Variants in PIDD1 observed in about 807,000 individuals in gnomAD.
PIDD1 encodes p53-induced death domain-containing protein 1.
Under a neutral mutation model 80.0 loss-of-function variants are expected in PIDD1, and 72 were observed. That is an observed-to-expected ratio of 0.90 (90% CI 0.74 to 1.09). PIDD1 has a LOEUF of 1.09. PIDD1 is among the 50% of genes least tolerant of loss of function. The probability of loss-of-function intolerance (pLI) is 0.00; values close to 1 mark genes in which losing one functional copy is unlikely to be tolerated. For missense variants in PIDD1, 1,329 were observed against 1,228.3 expected (o/e 1.08, Z -1.23); for synonymous variants, 655 against 543.5 (o/e 1.21, Z -2.85).
chr11:805,658 A>G, upstream of PIDD1: 1 of 985,432 alleles, frequency 1.0e-6, no homozygotes, highest in Non-Finnish European at 1.2e-6. Flanking sequence ...TTTCCAAACC[A>G]GCCCAAACGG....
chr11:805,273 A>G (rs1214916481), upstream of PIDD1: 6 of 959,070 alleles, frequency 6.3e-6, no homozygotes, highest in East Asian at 1.2e-4. Flanking sequence ...GGGACTGCAG[A>G]CCCCGCCCCT....
At chr11:804,754 A>G (rs1865660737) in intron 1 of PIDD1, 1 of 226,912 alleles carries the variant, frequency 4.4e-6, no homozygotes, top group Non-Finnish European at 8.6e-6. Flanking sequence ...AATCTGGCCA[A>G]TGGAGCCGTG....
rs755725870 is a variant in PIDD1 at position 801,766 on chromosome 11, G to T, written c.1303-142C>A. The T allele has an allele frequency of 3.4e-6, 3 of 884,220 alleles. No individual in the cohort carries two copies. In the Admixed American group the frequency reaches 6.6e-5, roughly 20 times the overall value. The allele number at this position is 884,220 out of a possible 1,614,324, so 54.8% of individuals were successfully genotyped here. A position where few individuals can be genotyped will look rare whatever the true frequency, so the allele number is the denominator to read the frequency against. On this transcript the variant is annotated intron_variant, in intron 7 of 15. Coordinates refer to ENST00000347755, the MANE Select transcript of PIDD1 (RefSeq NM_145886.4). ...GAGCAGGATCCAGGAGGGACGGGGT[G>T]GGGTGGAAGTTGCCAGGGACACAGG...
rs145288967 is a variant in PIDD1 at position 799,435 on chromosome 11, C to A, written c.2605G>T (p.Val869Leu). Reference sequence around the variant, plus strand: ...CGGCCGAGCTCCAAGACTGCGCGCACCTCTTCAGCCACGTCCTGCCGGTCA... The same window carrying A: ...CGGCCGAGCTCCAAGACTGCGCGCAACTCTTCAGCCACGTCCTGCCGGTCA... ...QSDRQDVAEE[V>L]RAVLELGRRK... The change falls in exon 16 of 16, where the codon GTG (valine) becomes TTG (leucine). Residue 869 changes from valine to leucine, a missense_variant. Physicochemically the swap from Val to Leu is conservative, Grantham distance 32. Transcript: ENST00000347755. 98 of 1,611,124 alleles carry A rather than the reference C, an allele frequency of 6.1e-5. No individual in the cohort carries two copies. In the African/African-American group the frequency reaches 9.7e-4, roughly 16 times the overall value.
chr11:803,122 C>T (rs1369900054), intron 3 of PIDD1, 52 bp downstream of exon 3: 17 of 1,352,234 alleles, frequency 1.3e-5, no homozygotes, highest in Admixed American at 2.0e-5. Context: ...GACAGGCAGG[C>T]TTCAGGGACC....
At chr11:807,734 G>A (rs1468071323), upstream of PIDD1, among the ~76,000 whole-genome samples, 6 of 151,982 alleles carry the variant, frequency 3.9e-5, no homozygotes, top group African/African-American at 7.3e-5. Context: ...CCAAGATCAC[G>A]CGACTGCACT....
intron 1 of PIDD1, 113 bp from the exon 2 acceptor site, chr11:804,576 C>T: frequency 9.0e-7 from 1 of 1,115,630 alleles, no homozygotes; most frequent in Non-Finnish European, 1.2e-6. Context: ...TGGGCCTGGG[C>T]TGCAGAGTGG....
chr11:799,639 G>A (rs1234931643), intron 15 of PIDD1, 74 bp from the exon 16 acceptor site: 49 of 1,484,316 alleles, frequency 3.3e-5, no homozygotes, highest in Non-Finnish European at 4.3e-5. Context: ...CTGCCTCGGA[G>A]TGTGGGGGAG....
rs1865212319 is a variant in PIDD1 at position 800,624 on chromosome 11, G to A, written c.1960C>T (p.Pro654Ser). ...LRRLLERYRG[P>S]EPSDTVEMFE... ...ATCTCCACCGTGTCAGAGGGCTCGG[G>A]GCCCCGGTACCGCTCCAGCAGCCGC... Residue 654 changes from proline (P) to serine (S), a missense_variant, in exon 12 of 16, where the codon CCC (proline) becomes TCC (serine). Physicochemically the swap from Pro to Ser is moderately conservative, Grantham distance 74 (BLOSUM62 -1). Coordinates refer to ENST00000347755, the MANE Select transcript of PIDD1 (RefSeq NM_145886.4). 1 of 1,600,546 alleles carries A rather than the reference G, an allele frequency of 6.2e-7. No homozygotes were observed. Among genetic ancestry groups the A allele is most frequent in the Non-Finnish European group, 8.5e-7 (1 of 1,178,358 alleles).
At position 799,878 on chromosome 11, in the gene PIDD1, G is replaced by A; in HGVS notation, c.2411C>T (p.Pro804Leu). The A allele has an allele frequency of 6.2e-7, 1 of 1,611,540 alleles. No individual in the cohort carries two copies. Among genetic ancestry groups the A allele is most frequent in the Non-Finnish European group, 8.5e-7 (1 of 1,179,686 alleles). ...CACCCCCAGGTGCAGGGCCACGGCT[G>A]GCCAGTCCAGACCCAGACGCCCAGC... The part of the protein sequence containing the change: ...SVAGRLGLDW[P>L]AVALHLGVSY... The change falls in exon 15 of 16, where the codon CCA (proline) becomes CTA (leucine). Residue 804 changes from proline (P) to leucine (L), a missense_variant. Coordinates refer to ENST00000347755, the MANE Select transcript of PIDD1 (RefSeq NM_145886.4).
Position 800,889 on chromosome 11 carries a change from T to C in PIDD1, c.1790A>G (p.Lys597Arg). ...FSWYWLWYTTKNCVGGLARKA... is the reference protein window; with the variant it reads ...FSWYWLWYTTRNCVGGLARKA... ...CCGAGCCAGGCCTCCCACACAGTTCTTGGTGGTGTACCAGAGCCAGTACCT... is the reference window on the plus strand; with the variant it reads ...CCGAGCCAGGCCTCCCACACAGTTCCTGGTGGTGTACCAGAGCCAGTACCT... Residue 597 changes from lysine to arginine, a missense_variant, in exon 11 of 16, where the codon AAG becomes AGG. Lys to Arg is a conservative substitution (Grantham distance 26). Coordinates refer to ENST00000347755, the MANE Select transcript of PIDD1 (RefSeq NM_145886.4). 1.3e-6 allele frequency: 2 copies of C among 1,589,436 alleles called. No homozygotes were observed. Among genetic ancestry groups the C allele is most frequent in the Non-Finnish European group, 1.7e-6 (2 of 1,168,704 alleles).
chr11:801,172 C>A, intron 9 of PIDD1, 46 bp downstream of exon 9: 1 of 1,544,672 alleles, frequency 6.5e-7, no homozygotes, highest in Non-Finnish European at 8.7e-7. Context: ...AGACCCCCTC[C>A]ACCCTATGGC....
chr11:802,873 C>T lies in PIDD1; in HGVS notation c.728G>A (p.Arg243Gln), dbSNP rs765364826. 14 of 1,572,028 alleles carry T rather than the reference C, an allele frequency of 8.9e-6. No homozygotes were observed. The highest frequency in any genetic ancestry group is 4.0e-5 in the African/African-American group (3 of 74,194). Residue 243 changes from arginine (R) to glutamine (Q), a missense_variant, in exon 4 of 16, where the codon CGG (arginine) becomes CAG (glutamine). Transcript: ENST00000347755. ...GAGGTTGCTGTGCAGGACAAGGAGCCGCAAGGACCGAAGTCCCGCTGCGGG... is the reference window on the plus strand; with the variant it reads ...GAGGTTGCTGTGCAGGACAAGGAGCTGCAAGGACCGAAGTCCCGCTGCGGG... ...PASLAGLRSL[R>Q]LLVLHSNLLA...
chr11:800,229 C>T lies in PIDD1; in HGVS notation c.2176G>A (p.Gly726Ser). The T allele has an allele frequency of 6.2e-7, 1 of 1,610,172 alleles. No homozygotes were observed. Residue 726 changes from glycine to serine, a missense_variant, in exon 14 of 16, where the codon GGC becomes AGC. By Grantham distance (56) the Gly-to-Ser change is moderately conservative. Transcript: ENST00000347755. The part of the protein sequence containing the change: ...AVRGQVSFYR[G>S]AVPVRVPEEA... ...TCGGGCACCCGCACAGGCACCGCGC[C>T]ACGGTAGAAGGACACCTGAAGGGGC...
At chr11:808,281 G>C (rs947934671), upstream of PIDD1, among the ~76,000 whole-genome samples, 8 of 151,908 alleles carry the variant, frequency 5.3e-5, no homozygotes, top group African/African-American at 1.9e-4. Flanking sequence ...ACAAAAATTA[G>C]CCGGGCATGG....
intron 5 of PIDD1, 34 bp from the exon 6 acceptor site, chr11:802,430 C>G: frequency 6.2e-7 from 1 of 1,602,530 alleles, no homozygotes; most frequent in Non-Finnish European, 8.5e-7. Context: ...CAGGTTAGAC[C>G]CAGAAGGGCC....
rs1214448295 is a variant in PIDD1 at position 801,320 on chromosome 11, G to A, written c.1528C>T (p.Pro510Ser). Residue 510 changes from proline to serine, a missense_variant, in exon 9 of 16, where the codon CCA (proline) becomes TCA (serine). By Grantham distance (74) the Pro-to-Ser change is moderately conservative. Transcript: ENST00000347755. The stretch of plus-strand genomic sequence containing the variant: ...AGCAGGGGGCTCACTGCAGCCTCTG[G>A]TTCTCCCAGGAGGGCCTGCAGCTCT... ...GRELQALLGE[P>S]EAAVSPLLCL... 2.5e-6 allele frequency: 4 copies of A among 1,607,108 alleles called. No individual in the cohort carries two copies. Among genetic ancestry groups the A allele is most frequent in the Admixed American group, 3.4e-5 (2 of 59,336 alleles).
chr11:801,268 C>A lies in PIDD1; in HGVS notation c.1580G>T (p.Ser527Ile), dbSNP rs115111427. The A allele has an allele frequency of 6.1e-4, 968 of 1,578,534 alleles. 4 individuals carry two copies. The African/African-American group carries it at 0.011, about 18-fold the overall frequency. The change falls in exon 9 of 16, where the codon AGC becomes ATC. Residue 527 changes from serine (S) to isoleucine (I), a missense_variant. Physicochemically the swap from Ser to Ile is moderately radical, Grantham distance 142 (BLOSUM62 -2). Transcript: ENST00000347755. ...LLCLSQSGPP[S>I]FLQPVTVQLP... Reference sequence around the variant, plus strand: ...CTGCACGGTGACCGGTTGGAGGAAGCTGGGGGGACCGCTCTGTGACAGGCA... The same window carrying A: ...CTGCACGGTGACCGGTTGGAGGAAGATGGGGGGACCGCTCTGTGACAGGCA...
upstream of PIDD1, among the ~76,000 whole-genome samples, chr11:806,748 A>G (rs1865793128): frequency 6.6e-6 from 1 of 151,142 alleles, no homozygotes; most frequent in Non-Finnish European, 1.5e-5. Flanking sequence ...ACGCCCGGCT[A>G]ATTTTTTTGT....
Sources: allele counts gnomAD v4.1 joint callset (sites outside exome capture counted in the v4.1 genomes callset), GRCh38; gene constraint gnomAD v4.1.1; transcripts MANE v1.5; gene names NCBI Gene and HGNC (gene_info 2026-07-23, HGNC 2026-07-21).